Variants in BAIAP2L1 observed in about 807,000 individuals in gnomAD.
BAIAP2L1 encodes BAR/IMD domain-containing adapter protein 2-like 1.
Under a neutral mutation model 66.3 loss-of-function variants are expected in BAIAP2L1, and 35 were observed. The observed-to-expected ratio is 0.53, with a 90% confidence interval of 0.40 to 0.70. BAIAP2L1 has a LOEUF of 0.70. Among genes scored for constraint, BAIAP2L1 ranks in the 30% least tolerant of loss-of-function variants. The pLI, the probability that BAIAP2L1 is intolerant of heterozygous loss-of-function variation, is 0.00. For synonymous variants in BAIAP2L1, 269 were observed against 248.7 expected (o/e 1.08, Z -0.77); for missense variants, 622 against 656.9 (o/e 0.95, Z 0.58).
Position 98,400,808 on chromosome 7 carries a change from G to GGT in BAIAP2L1, c.43_44dup (p.Tyr16ProfsTer16). Reference sequence around the variant, plus strand: ...CCCCGGGCCCTGGGCTTACCCGGTAGGTGCTCTCCGTGAGCCGGTTCACCT... The same window carrying GGT: ...CCCCGGGCCCTGGGCTTACCCGGTAGGTGTGCTCTCCGTGAGCCGGTTCACCT... On this transcript the variant is annotated frameshift_variant, in exon 1 of 14. Coordinates refer to ENST00000005260, the MANE Select transcript of BAIAP2L1 (RefSeq NM_018842.5). LOFTEE classifies it high-confidence loss of function. 1 of 1,549,078 alleles carries GGT rather than the reference G, an allele frequency of 6.5e-7. No homozygotes were observed. The highest frequency in any genetic ancestry group is 8.7e-7 in the Non-Finnish European group (1 of 1,146,268).
intron 12 of BAIAP2L1, among the ~76,000 whole-genome samples, chr7:98,298,233 T>A (rs915192787): frequency 6.6e-6 from 1 of 152,194 alleles, no homozygotes; most frequent in Non-Finnish European, 1.5e-5. Flanking sequence ...GGATGCTCTA[T>A]GGACACCTAA....
intron 2 of BAIAP2L1, among the ~76,000 whole-genome samples, chr7:98,357,510 T>C (rs988801996): frequency 3.0e-4 from 44 of 144,696 alleles, no homozygotes; most frequent in Middle Eastern, 3.7e-3. Context: ...GAGGTTACAG[T>C]GAGCTGAGAT....
At chr7:98,307,528 A>G (rs180775627) in intron 10 of BAIAP2L1, 161 bp downstream of exon 10, 419 of 1,452,092 alleles carry the variant, frequency 2.9e-4, no homozygotes, top group Middle Eastern at 2.0e-3. Flanking sequence ...TACAGAAAAT[A>G]GCCTGGGATC....
At chr7:98,324,471 T>A (rs984780473) in intron 3 of BAIAP2L1, among the ~76,000 whole-genome samples, 1 of 152,206 alleles carries the variant, frequency 6.6e-6, no homozygotes, top group African/African-American at 2.4e-5. Flanking sequence ...TATAAAGAGA[T>A]GCATTTAGCC....
At chr7:98,392,167 T>TAA (rs5886065) in intron 1 of BAIAP2L1, among the ~76,000 whole-genome samples, 44,510 of 120,376 alleles carry the variant, frequency 0.37, 9,174 homozygotes, top group Middle Eastern at 0.52. Context: ...ACCCCCTCGC[T>TAA]AAAAAAAAAA....
intron 3 of BAIAP2L1, among the ~76,000 whole-genome samples, chr7:98,352,552 G>C (rs1226972432): frequency 6.6e-6 from 1 of 152,108 alleles, no homozygotes; most frequent in African/African-American, 2.4e-5. Context: ...TGAGGCATGA[G>C]AATTGCTTGA....
chr7:98,301,795 G>T lies in BAIAP2L1; in HGVS notation c.1422+2401C>A, dbSNP rs554218432. On this transcript the variant is annotated intron_variant, in intron 12 of 13. Coordinates refer to ENST00000005260, the MANE Select transcript of BAIAP2L1 (RefSeq NM_018842.5). ...GACTGGATGACTGGGAATCTCTCCC[G>T]TGGAGGGGACAGCCTGAAGCTCGCG... Among the ~76,000 whole-genome samples, 7 of 152,256 alleles carry T rather than the reference G, an allele frequency of 4.6e-5. No individual in the cohort carries two copies. In the East Asian group the frequency reaches 7.7e-4, roughly 17 times the overall value.
rs750782755 is a variant in BAIAP2L1 at position 98,355,156 on chromosome 7, C to T, written c.128-28G>A. On this transcript the variant is annotated intron_variant, in intron 2 of 13. Transcript: ENST00000005260. ...AGACACAAAAGGTGACACACAAAAT[C>T]GTCACTTAGACAAGGAAAGGAGGAA... 23 of 1,502,208 alleles carry T rather than the reference C, an allele frequency of 1.5e-5. No homozygotes were observed. The South Asian group carries it at 2.0e-4, about 13-fold the overall frequency. The allele number at this position is 1,502,208 out of a possible 1,614,324, so 93.1% of individuals were successfully genotyped here. A position where few individuals can be genotyped will look rare whatever the true frequency, so the allele number is the denominator to read the frequency against.
At chr7:98,367,719 T>C (rs1036130477) in intron 1 of BAIAP2L1, among the ~76,000 whole-genome samples, 5 of 151,952 alleles carry the variant, frequency 3.3e-5, no homozygotes, top group African/African-American at 1.2e-4. Flanking sequence ...GTATTTTTAG[T>C]AGAGACGGGT....
intron 12 of BAIAP2L1, among the ~76,000 whole-genome samples, chr7:98,300,711 G>A (rs1332081503): frequency 6.6e-6 from 1 of 152,114 alleles, no homozygotes; most frequent in Non-Finnish European, 1.5e-5. Flanking sequence ...TGCGAAGGGT[G>A]TGAAGGTACG....
chr7:98,390,843 G>T (rs1803020694), intron 1 of BAIAP2L1, among the ~76,000 whole-genome samples: 1 of 151,928 alleles, frequency 6.6e-6, no homozygotes. Flanking sequence ...ATAAACACAA[G>T]TTTTTTTGTT....
intron 2 of BAIAP2L1, 55 bp downstream of exon 2, chr7:98,362,302 A>C (rs1802285304): frequency 1.5e-6 from 2 of 1,336,696 alleles, no homozygotes; most frequent in Non-Finnish European, 2.1e-6. Context: ...TTTAAAAATA[A>C]TTACATATTT....
intron 1 of BAIAP2L1, among the ~76,000 whole-genome samples, chr7:98,370,457 T>C (rs1257975511): frequency 6.6e-6 from 1 of 151,998 alleles, no homozygotes; most frequent in African/African-American, 2.4e-5. Context: ...CATATATACT[T>C]CTTTATTACT....
At chr7:98,398,071 C>A (rs1156311684) in intron 1 of BAIAP2L1, among the ~76,000 whole-genome samples, 1 of 152,008 alleles carries the variant, frequency 6.6e-6, no homozygotes, top group Non-Finnish European at 1.5e-5. Context: ...TTGGAGAAAC[C>A]TGAGTATTTA....
intron 1 of BAIAP2L1, among the ~76,000 whole-genome samples, chr7:98,372,361 G>T (rs1485813694): frequency 2.6e-5 from 4 of 152,012 alleles, no homozygotes; most frequent in Non-Finnish European, 5.9e-5. Flanking sequence ...AGCTGAGATG[G>T]CGTCACTGCT....
intron 3 of BAIAP2L1, among the ~76,000 whole-genome samples, chr7:98,352,884 G>A (rs1802030596): frequency 6.6e-6 from 1 of 152,086 alleles, no homozygotes; most frequent in African/African-American, 2.4e-5. Context: ...GGCAAACTGG[G>A]TGTGGTGAGT....
At chr7:98,306,096 A>C (rs548329357) in intron 11 of BAIAP2L1, among the ~76,000 whole-genome samples, 1 of 152,306 alleles carries the variant, frequency 6.6e-6, no homozygotes, top group East Asian at 1.9e-4. Context: ...CAACAGCGTT[A>C]AGGGCTGTAA....
chr7:98,293,019 CATTTAT>C lies in BAIAP2L1; in HGVS notation c.*496_*501del. 1 of 1,027,618 alleles carries C rather than the reference CATTTAT, an allele frequency of 9.7e-7. No homozygotes were observed. The highest frequency in any genetic ancestry group is 1.2e-6 in the Non-Finnish European group (1 of 836,876). The allele number at this position is 1,027,618 out of a possible 1,614,324, so 63.7% of individuals were successfully genotyped here. A position where few individuals can be genotyped will look rare whatever the true frequency, so the allele number is the denominator to read the frequency against. On this transcript the variant is annotated 3_prime_UTR_variant, in exon 14 of 14. Transcript: ENST00000005260. ...CACTTAAACATTTTAAGTTAAATTA[CATTTAT>C]ATAGTATTTTCATAATTTATATTGC...
At chr7:98,340,191 A>G (rs1224486184) in intron 3 of BAIAP2L1, among the ~76,000 whole-genome samples, 1 of 152,264 alleles carries the variant, frequency 6.6e-6, no homozygotes, top group Non-Finnish European at 1.5e-5. Flanking sequence ...ATGACGTTTC[A>G]GGTTGACACT....
Sources: allele counts gnomAD v4.1 joint callset (sites outside exome capture counted in the v4.1 genomes callset), GRCh38; gene constraint gnomAD v4.1.1; transcripts MANE v1.5; gene names NCBI Gene and HGNC (gene_info 2026-07-23, HGNC 2026-07-21).